CDCA5: variants seen among roughly 807,000 people sequenced by gnomAD.
The protein encoded by CDCA5 is sororin.
CDCA5 carries 14 observed loss-of-function variants against 25.7 expected under a neutral mutation model. That is an observed-to-expected ratio of 0.54 (90% CI 0.36 to 0.85). CDCA5 has a LOEUF of 0.85. Ranked by LOEUF, CDCA5 falls within the 40% of genes least tolerant of loss-of-function variation. The probability of loss-of-function intolerance (pLI) is 0.01; values close to 1 mark genes in which losing one functional copy is unlikely to be tolerated. For missense variants in CDCA5, 307 were observed against 324.5 expected (o/e 0.95, Z 0.41); for synonymous variants, 127 against 128.7 (o/e 0.99, Z 0.09).
chr11:65,069,651 C>T (rs1351103654), intron 1 of CDCA5, among the ~76,000 whole-genome samples: 2 of 152,234 alleles, frequency 1.3e-5, no homozygotes, highest in African/African-American at 2.4e-5. Flanking sequence ...ACTTTGGAAA[C>T]GGCTTAAAGA....
intron 4 of CDCA5, among the ~76,000 whole-genome samples, chr11:65,081,978 G>A (rs551483353): frequency 6.6e-6 from 1 of 152,182 alleles, no homozygotes; most frequent in African/African-American, 2.4e-5. Context: ...AGGCCTAAGA[G>A]AATTACATAG....
rs1947495611 is a variant in CDCA5, at chr11:65,078,769, A to C, written c.*338T>G. The C allele has an allele frequency of 9.4e-7, 1 of 1,068,386 alleles. No homozygotes were observed. The allele number at this position is 1,068,386 out of a possible 1,614,324, so 66.2% of individuals were successfully genotyped here. On this transcript the variant is annotated 3_prime_UTR_variant, in exon 6 of 6. Transcript: ENST00000275517. ...CAAGAGCAGAGGTGCCTCTCACCTC[A>C]ACCCTCAGCCCTTTAACTTCTGGCT...
At position 65,084,022 on chromosome 11, in the gene CDCA5, G is replaced by A. The variant is rs1439206489; in HGVS notation, c.-44C>T. ...AGCTCCTCCAGCGCCGCCGCCCCGG[G>A]CGCGCGCCAACCGGGAAGGCCACTC... On this transcript the variant is annotated 5_prime_UTR_variant, in exon 1 of 6. Transcript: ENST00000275517. The A allele has an allele frequency of 3.2e-6, 5 of 1,586,514 alleles. No individual in the cohort carries two copies. The highest frequency in any genetic ancestry group is 3.7e-5 in the Admixed American group (2 of 54,154).
rs1425620908 is a variant in CDCA5 at position 65,083,405 on chromosome 11, G to A, written c.208-6C>T. 1.9e-6 allele frequency: 3 copies of A among 1,614,150 alleles called. No homozygotes were observed. The highest frequency in any genetic ancestry group is 2.5e-6 in the Non-Finnish European group (3 of 1,180,014). On this transcript the variant is annotated splice_polypyrimidine_tract_variant and splice_region_variant and intron_variant, in intron 3 of 5. Transcript: ENST00000275517. ...GGTGATTGGACAGCTGGGACCTGCG[G>A]GGGACAATACCAATTGATCACATAG...
chr11:65,080,071 T>C (rs1187575350), intron 4 of CDCA5, among the ~76,000 whole-genome samples: 3 of 152,064 alleles, frequency 2.0e-5, no homozygotes, highest in African/African-American at 7.2e-5. Context: ...TTTGTATTTT[T>C]AGTAGAGACG....
intron 1 of CDCA5, among the ~76,000 whole-genome samples, chr11:65,069,113 G>A (rs1413696526): frequency 6.6e-6 from 1 of 151,698 alleles, no homozygotes; most frequent in Non-Finnish European, 1.5e-5. Context: ...CGTGGCGTGT[G>A]CCTGTAGTCT....
chr11:65,079,332 A>T, intron 5 of CDCA5, 21 bp downstream of exon 5: 1 of 1,613,672 alleles, frequency 6.2e-7, no homozygotes, highest in Non-Finnish European at 8.5e-7. Flanking sequence ...CGGCAGAGAA[A>T]AACCCCTGCC....
Position 65,070,944 on chromosome 11 carries a change from C to CTT in CDCA5, c.64-2345_64-2344dup, listed in dbSNP as rs56999278. Among the ~76,000 whole-genome samples, 987 of 138,376 alleles carry CTT rather than the reference C, an allele frequency of 7.1e-3. 10 individuals are homozygous for CTT. The highest frequency in any genetic ancestry group is 0.011 in the Non-Finnish European group (709 of 63,804). 90.8% of individuals were successfully genotyped at this position (138,376 alleles called of 152,430 possible). On this transcript the variant is annotated intron_variant, in intron 1 of 6. Coordinates refer to the CDCA5 transcript ENST00000525464. ...AGTTTGGGATTTTGGATTTTCTTTT[C>CTT]TTTTTTTTTTTTTTTGAGACAGAGT... is the stretch of plus-strand genomic sequence containing the variant.
intron 1 of CDCA5, chr11:65,068,618 C>T: frequency 7.9e-7 from 1 of 1,266,124 alleles, no homozygotes; most frequent in Non-Finnish European, 1.0e-6. Flanking sequence ...GAGACAGAAG[C>T]CTGCTAGTCA....
At chr11:65,083,235 G>A (rs1402536261) in intron 4 of CDCA5, 129 bp downstream of exon 4, 9 of 994,094 alleles carry the variant, frequency 9.1e-6, no homozygotes, top group African/African-American at 1.6e-5. Context: ...GCATGCAGGT[G>A]CCCACAGGCA....
At chr11:65,081,823 T>C (rs1590800490) in intron 4 of CDCA5, among the ~76,000 whole-genome samples, 1 of 151,362 alleles carries the variant, frequency 6.6e-6, no homozygotes, top group East Asian at 2.0e-4. Flanking sequence ...AGAGAAAACA[T>C]CAAAAAATTA....
chr11:65,078,694 C>T lies in CDCA5; in HGVS notation c.*413G>A, dbSNP rs1371918712. On this transcript the variant is annotated 3_prime_UTR_variant, in exon 6 of 6. Coordinates refer to ENST00000275517, the MANE Select transcript of CDCA5 (RefSeq NM_080668.4). The stretch of plus-strand genomic sequence containing the variant: ...AGAAGGCAACTCAGGAGGGAGAGGC[C>T]GAGGCTGGCAGAGCCCCTGGGCCTA... The T allele has an allele frequency of 3.3e-5, 33 of 1,002,454 alleles. No individual in the cohort carries two copies. The highest frequency in any genetic ancestry group is 3.4e-5 in the Non-Finnish European group (29 of 841,996). 62.1% of individuals were successfully genotyped at this position (1,002,454 alleles called of 1,614,324 possible). A position where few individuals can be genotyped will look rare whatever the true frequency, so the allele number is the denominator to read the frequency against.
rs372502994 is a variant in CDCA5, at chr11:65,083,559, G to T, written c.142-9C>A. On this transcript the variant is annotated splice_polypyrimidine_tract_variant and intron_variant, in intron 2 of 5. Coordinates refer to ENST00000275517, the MANE Select transcript of CDCA5 (RefSeq NM_080668.4). The stretch of plus-strand genomic sequence containing the variant: ...GCAGCCGCACTGGGTGTCTGGAGAA[G>T]AGGGATGAACGTGAGCTCAACATTA... 6.8e-6 allele frequency: 11 copies of T among 1,614,176 alleles called. No individual in the cohort carries two copies. Among genetic ancestry groups the T allele is most frequent in the Non-Finnish European group, 9.3e-6 (11 of 1,180,010 alleles).
downstream of CDCA5, among the ~76,000 whole-genome samples, chr11:65,061,630 C>T (rs1399820615): frequency 2.0e-5 from 3 of 151,832 alleles, no homozygotes; most frequent in East Asian, 2.0e-4. Context: ...AAAAAATTAG[C>T]CGGGCGTGGT....
Position 65,083,373 on chromosome 11 carries a change from C to T in CDCA5, c.234G>A (p.Arg78=). 1 of 1,614,156 alleles carries T rather than the reference C, an allele frequency of 6.2e-7. No individual in the cohort carries two copies. The highest frequency in any genetic ancestry group is 8.5e-7 in the Non-Finnish European group (1 of 1,180,036). The change falls in exon 4 of 6, where the codon AGG becomes AGA. Residue 78 remains arginine, a synonymous_variant. Transcript: ENST00000275517. The stretch of plus-strand genomic sequence containing the variant: ...ATGAAAGTGAACTCACCCTAGGGCT[C>T]CTGCGAGGTGATTGGACAGCTGGGA... ...VEVPAVQSPR[R]SPRISFFLEK... is the part of the protein sequence containing the mutation.
intron 1 of CDCA5, among the ~76,000 whole-genome samples, chr11:65,069,104 G>A (rs1340656193): frequency 5.9e-5 from 9 of 152,070 alleles, no homozygotes; most frequent in South Asian, 4.1e-4. Flanking sequence ...GCTGGGCATC[G>A]TGGCGTGTGC....
At chr11:65,063,671 C>A (rs1423596373), downstream of CDCA5, among the ~76,000 whole-genome samples, 2 of 152,204 alleles carry the variant, frequency 1.3e-5, no homozygotes, top group Non-Finnish European at 2.9e-5. Context: ...CTGCCCCTCA[C>A]TAGAGAAATG....
intron 4 of CDCA5, among the ~76,000 whole-genome samples, chr11:65,082,748 C>T (rs1348989145): frequency 6.6e-6 from 1 of 152,054 alleles, no homozygotes; most frequent in Non-Finnish European, 1.5e-5. Context: ...AAGCGTGAGC[C>T]ACTGCACCCG....
intron 1 of CDCA5, among the ~76,000 whole-genome samples, chr11:65,070,944 CTTTTT>C (rs56999278): frequency 7.2e-6 from 1 of 138,410 alleles, no homozygotes; most frequent in Admixed American, 7.3e-5. Context: ...ATTTTCTTTT[CTTTTT>C]TTTTTTTTTT....
Sources: allele counts gnomAD v4.1 joint callset (sites outside exome capture counted in the v4.1 genomes callset), GRCh38; gene constraint gnomAD v4.1.1; transcripts MANE v1.5; gene names NCBI Gene and HGNC (gene_info 2026-07-23, HGNC 2026-07-21).